RGS9: variants seen among roughly 807,000 people sequenced by gnomAD.
RGS9 encodes the protein regulator of G protein signaling 9, also known as regulator of G-protein signalling 9.
RGS9 carries 78 observed loss-of-function variants against 102.0 expected under a neutral mutation model. The observed-to-expected ratio is 0.76, with a 90% confidence interval of 0.64 to 0.92. The LOEUF is 0.92. RGS9 is among the 40% of genes least tolerant of loss of function. The probability of loss-of-function intolerance (pLI) is 0.00; values close to 1 mark genes in which losing one functional copy is unlikely to be tolerated. For missense variants in RGS9, 833 were observed against 866.1 expected (o/e 0.96, Z 0.48); for synonymous variants, 353 against 318.6 (o/e 1.11, Z -1.15).
chr17:65,227,239 GC>G, intron 18 of RGS9, 35 bp from the exon 19 acceptor site: 2 of 1,613,998 alleles, frequency 1.2e-6, no homozygotes, highest in Non-Finnish European at 1.7e-6. Context: ...TCCTGCCCCT[GC>G]CCCTACATTA....
chr17:65,172,975 T>G (rs188372294), intron 8 of RGS9, among the ~76,000 whole-genome samples: 207 of 151,702 alleles, frequency 1.4e-3, no homozygotes, highest in Non-Finnish European at 2.3e-3. Context: ...CAGGCTGGAG[T>G]GCAATGGCGT....
chr17:65,207,864 G>C, intron 15 of RGS9, 58 bp from the exon 16 acceptor site: 1 of 1,247,382 alleles, frequency 8.0e-7, no homozygotes, highest in South Asian at 1.2e-5. Flanking sequence ...CAAGGGTATT[G>C]GTTTGATTTG....
At chr17:65,182,979 T>C (rs1911943628) in intron 9 of RGS9, among the ~76,000 whole-genome samples, 5 of 152,240 alleles carry the variant, frequency 3.3e-5, no homozygotes, top group Admixed American at 3.3e-4. Flanking sequence ...AGGTCGTACC[T>C]GGCTGGACGG....
At chr17:65,155,761 G>C (rs771258927) in intron 2 of RGS9, among the ~76,000 whole-genome samples, 1 of 152,172 alleles carries the variant, frequency 6.6e-6, no homozygotes, top group Non-Finnish European at 1.5e-5. Flanking sequence ...AACGAGTGCA[G>C]GAAGGAAGTG....
chr17:65,175,347 G>A (rs1215202439), intron 8 of RGS9, among the ~76,000 whole-genome samples: 3 of 152,008 alleles, frequency 2.0e-5, no homozygotes, highest in African/African-American at 2.4e-5. Flanking sequence ...GTTATGCAGG[G>A]GGATTTCTCC....
intron 1 of RGS9, among the ~76,000 whole-genome samples, chr17:65,148,958 TTTTTG>T (rs1202887494): frequency 3.3e-5 from 5 of 152,080 alleles, no homozygotes; most frequent in African/African-American, 7.3e-5. Flanking sequence ...TTTGGTGTTT[TTTTTG>T]TTTTGTTTTG....
chr17:65,223,432 C>A (rs1369812787), intron 17 of RGS9, among the ~76,000 whole-genome samples: 1 of 152,248 alleles, frequency 6.6e-6, no homozygotes, highest in Non-Finnish European at 1.5e-5. Flanking sequence ...GCCCTCCTGG[C>A]CCTGCCCTCA....
At chr17:65,160,371 A>G (rs755645664) in intron 4 of RGS9, 32 bp downstream of exon 4, 3 of 1,579,716 alleles carry the variant, frequency 1.9e-6, no homozygotes, top group East Asian at 2.2e-5. Flanking sequence ...GGCTGTTCAT[A>G]TGGGGTTGAT....
chr17:65,139,833 T>C (rs1466657041), intron 1 of RGS9, among the ~76,000 whole-genome samples: 1 of 152,220 alleles, frequency 6.6e-6, no homozygotes, highest in Non-Finnish European at 1.5e-5. Flanking sequence ...ACAGAGCTCC[T>C]TGGAGCAGCA....
At chr17:65,170,121 T>C (rs1439992493) in intron 8 of RGS9, among the ~76,000 whole-genome samples, 1 of 151,134 alleles carries the variant, frequency 6.6e-6, no homozygotes, top group Non-Finnish European at 1.5e-5. Flanking sequence ...ATGGCACGAT[T>C]TCGGCTCACT....
rs3034101 is a variant in RGS9 at position 65,199,488 on chromosome 17, CTTT to C, written c.976+2270_976+2272del. On this transcript the variant is annotated intron_variant, in intron 13 of 18. Coordinates refer to ENST00000262406, the MANE Select transcript of RGS9 (RefSeq NM_003835.4). Reference sequence around the variant, plus strand: ...TCAGCATATAACAGCGCTTCTGTTCCTTTTTTTTTTTTTTTTTTTTTTTTTGAC... The same window carrying C: ...TCAGCATATAACAGCGCTTCTGTTCCTTTTTTTTTTTTTTTTTTTTTTGAC... Among the ~76,000 whole-genome samples, 774 of 108,252 alleles carry C rather than the reference CTTT, an allele frequency of 7.1e-3. 4 individuals carry two copies. The highest frequency in any genetic ancestry group is 0.02 in the East Asian group (78 of 3,896). The allele number at this position is 108,252 out of a possible 152,430, so 71.0% of individuals were successfully genotyped here.
intron 1 of RGS9, among the ~76,000 whole-genome samples, chr17:65,149,416 T>C (rs375048221): frequency 3.0e-4 from 46 of 152,316 alleles, no homozygotes; most frequent in African/African-American, 9.6e-4. Flanking sequence ...TTCATATTAG[T>C]TAACTTTTCA....
chr17:65,217,825 T>C (rs1171451399), intron 17 of RGS9, among the ~76,000 whole-genome samples: 2 of 152,168 alleles, frequency 1.3e-5, no homozygotes, highest in Non-Finnish European at 2.9e-5. Context: ...AATAGTTTAC[T>C]CTCTGATGTT....
chr17:65,199,869 T>C (rs550102599), intron 13 of RGS9, among the ~76,000 whole-genome samples: 1 of 152,346 alleles, frequency 6.6e-6, no homozygotes, highest in African/African-American at 2.4e-5. Flanking sequence ...TCCTTGTTTG[T>C]ATGTACCACA....
chr17:65,204,093 A>G, intron 14 of RGS9, 70 bp from the exon 15 acceptor site: 1 of 1,586,728 alleles, frequency 6.3e-7, no homozygotes, highest in Non-Finnish European at 8.6e-7. Context: ...CTTCCCTCCC[A>G]AGCAGCTGTG....
intron 8 of RGS9, among the ~76,000 whole-genome samples, chr17:65,175,466 C>A (rs1298220445): frequency 6.6e-6 from 1 of 152,142 alleles, no homozygotes; most frequent in African/African-American, 2.4e-5. Flanking sequence ...CTTCAAGACA[C>A]CTGTCTCAAC....
chr17:65,199,624 G>A (rs1029245116), intron 13 of RGS9, among the ~76,000 whole-genome samples: 4 of 151,038 alleles, frequency 2.6e-5, no homozygotes, highest in African/African-American at 7.3e-5. Flanking sequence ...CTCCCAAGTA[G>A]CTGGGATTAC....
chr17:65,185,104 A>T (rs1275349204), intron 9 of RGS9, among the ~76,000 whole-genome samples: 1 of 151,698 alleles, frequency 6.6e-6, no homozygotes, highest in Non-Finnish European at 1.5e-5. Flanking sequence ...AAAGTTCAGG[A>T]CTCTTTTCTC....
chr17:65,224,715 C>G (rs1905539536), intron 17 of RGS9, among the ~76,000 whole-genome samples: 1 of 152,194 alleles, frequency 6.6e-6, no homozygotes, highest in African/African-American at 2.4e-5. Context: ...ACTCCAGCAT[C>G]CTTGGCCTGG....
Sources: gnomAD v4.1 joint callset for allele counts (sites outside exome capture counted in the v4.1 genomes callset) on GRCh38, gnomAD v4.1.1 for gene constraint, MANE v1.5 for transcripts, NCBI Gene and HGNC (gene_info 2026-07-23, HGNC 2026-07-21) for gene names.